The following KSR2 variants were observed in gnomAD, a reference collection of about 807,000 sequenced individuals.
KSR2 encodes the protein kinase suppressor of ras 2.
In KSR2, 25 loss-of-function variants were observed where a neutral mutation model predicts 107.8. That is an observed-to-expected ratio of 0.23 (90% confidence interval 0.17 to 0.32). The LOEUF is 0.32. Ranked by LOEUF, KSR2 falls within the 10% of genes least tolerant of loss-of-function variation. The pLI is 1.00. For missense variants in KSR2, 887 were observed against 1,268.9 expected (o/e 0.70, Z 4.57); for synonymous variants, 480 against 507.0 (o/e 0.95, Z 0.71).
chr12:117,650,989 T>A (rs1432078982), intron 5 of KSR2, among the ~76,000 whole-genome samples: 1 of 152,136 alleles, frequency 6.6e-6, no homozygotes, highest in East Asian at 1.9e-4. Context: ...CCTCACCAGG[T>A]GTTTACTGTT....
At position 117,860,355 on chromosome 12, in the gene KSR2, A is replaced by G; in HGVS notation, c.257T>C (p.Leu86Pro). 1 of 1,613,894 alleles carries G rather than the reference A, an allele frequency of 6.2e-7. No individual in the cohort carries two copies. The highest frequency in any genetic ancestry group is 8.5e-7 in the Non-Finnish European group (1 of 1,179,834). ...GTGCCGTAGCTGGGGGAAGCCGTCC[A>G]GCTCCGCGTTGCGCTCCTGCAAGGC... ...KVALQERNAELDGFPQLRHWF... is the reference protein window; with the variant it reads ...KVALQERNAEPDGFPQLRHWF... The change falls in exon 2 of 20, where the codon CTG becomes CCG. Residue 86 changes from leucine (L) to proline (P), a missense_variant. Transcript: ENST00000339824.
intron 3 of KSR2, among the ~76,000 whole-genome samples, chr12:117,765,485 T>C (rs935781436): frequency 6.6e-6 from 1 of 152,212 alleles, no homozygotes; most frequent in Non-Finnish European, 1.5e-5. Context: ...GGAATAATTA[T>C]GGCTTTGTTG....
intron 4 of KSR2, among the ~76,000 whole-genome samples, chr12:117,738,736 A>T (rs1456979817): frequency 1.3e-5 from 2 of 152,138 alleles, no homozygotes; most frequent in African/African-American, 4.8e-5. Context: ...TTAGCTGGGC[A>T]TGATGGCACA....
chr12:117,880,467 C>A (rs935823435), intron 1 of KSR2, among the ~76,000 whole-genome samples: 120 of 152,048 alleles, frequency 7.9e-4, no homozygotes, highest in Non-Finnish European at 8.7e-4. Flanking sequence ...CAAGCCCCCC[C>A]ACCAAAGAGA....
intron 1 of KSR2, among the ~76,000 whole-genome samples, chr12:117,930,589 C>T (rs1895667395): frequency 6.6e-6 from 1 of 152,134 alleles, no homozygotes; most frequent in South Asian, 2.1e-4. Context: ...ATAGTAAACA[C>T]TAAATTCTCG....
chr12:117,915,219 C>A (rs978594907), intron 1 of KSR2, among the ~76,000 whole-genome samples: 8 of 152,212 alleles, frequency 5.3e-5, no homozygotes, highest in Non-Finnish European at 7.3e-5. Flanking sequence ...GTTCTGCAGG[C>A]CACAAGTCTG....
chr12:117,469,793 G>T lies in KSR2; in HGVS notation c.2715C>A (p.Asp905Glu), dbSNP rs769734943. The T allele has an allele frequency of 4.3e-6, 7 of 1,613,670 alleles. No homozygotes were observed. Among genetic ancestry groups the T allele is most frequent in the Non-Finnish European group, 5.9e-6 (7 of 1,179,806 alleles). The change falls in exon 19 of 20, where the codon GAC (aspartate) becomes GAA (glutamate). Residue 905 changes from aspartate to glutamate, a missense_variant and splice_region_variant. This residue lies in a region of KSR2 where 308 missense variants were observed against 506.2 expected (regional missense o/e 0.61). Transcript: ENST00000339824. ...SQIGMGKEIS[D>E]ILLFCWAFEQ... ...CAAAGGCCCAGCAGAAGAGAAGAAT[G>T]TCCTAAATGAAACCAATGTGTGGTG...
chr12:117,812,941 C>T (rs1282998364), intron 3 of KSR2, among the ~76,000 whole-genome samples: 2 of 149,560 alleles, frequency 1.3e-5, no homozygotes, highest in African/African-American at 5.0e-5. Context: ...ACTACAATAA[C>T]CTAAACAGCA....
chr12:117,665,561 A>C (rs1884626915), intron 5 of KSR2, among the ~76,000 whole-genome samples: 1 of 152,146 alleles, frequency 6.6e-6, no homozygotes, highest in Admixed American at 6.5e-5. Flanking sequence ...GGAAGTGGGG[A>C]GGGGAAGTAA....
intron 3 of KSR2, among the ~76,000 whole-genome samples, chr12:117,841,262 C>G (rs1892463540): frequency 6.6e-6 from 1 of 152,110 alleles, no homozygotes; most frequent in Non-Finnish European, 1.5e-5. Context: ...ATATTTTCAT[C>G]CTCCTTGCCC....
In KSR2 at chr12:117,710,769, T is replaced by C. The variant is rs149491544; in HGVS notation, c.987-43111A>G. 5.8e-3 allele frequency among the ~76,000 whole-genome samples: 877 copies of C among 152,216 alleles called. 6 individuals are homozygous for C. In the Middle Eastern group the frequency reaches 0.061, roughly 11 times the overall value. On this transcript the variant is annotated intron_variant, in intron 4 of 19. Transcript: ENST00000339824. Reference sequence around the variant, plus strand: ...TAAACGGTCAGTACTATCATGATGGTGATATTTTTTTAATGCATGCTCTGC... The same window carrying C: ...TAAACGGTCAGTACTATCATGATGGCGATATTTTTTTAATGCATGCTCTGC...
intron 7 of KSR2, among the ~76,000 whole-genome samples, chr12:117,573,935 C>T (rs538071397): frequency 2.0e-5 from 3 of 152,234 alleles, no homozygotes; most frequent in East Asian, 3.9e-4. Context: ...GAAGCTAAAG[C>T]GTGTAAGAAC....
intron 5 of KSR2, among the ~76,000 whole-genome samples, chr12:117,620,481 G>A (rs1882133667): frequency 1.3e-5 from 2 of 152,156 alleles, no homozygotes; most frequent in Non-Finnish European, 2.9e-5. Flanking sequence ...TTTGTGTTAT[G>A]GCTGACAGAA....
chr12:117,598,355 G>A (rs1041955800), intron 5 of KSR2, among the ~76,000 whole-genome samples: 37 of 152,020 alleles, frequency 2.4e-4, no homozygotes, highest in African/African-American at 8.5e-4. Flanking sequence ...GTGTATATAC[G>A]TATACCACAT....
At chr12:117,617,402 CT>C (rs1186275425) in intron 5 of KSR2, among the ~76,000 whole-genome samples, 2 of 152,104 alleles carry the variant, frequency 1.3e-5, no homozygotes, top group African/African-American at 2.4e-5. Flanking sequence ...ATTCATTTGA[CT>C]TTTTTATAAT....
intron 1 of KSR2, among the ~76,000 whole-genome samples, chr12:117,957,843 T>G (rs1043878124): frequency 6.6e-5 from 10 of 151,574 alleles, no homozygotes; most frequent in African/African-American, 2.4e-4. Context: ...TTTTTTTTTT[T>G]TTTTTTTAAA....
chr12:117,924,066 C>T (rs180783022), intron 1 of KSR2, among the ~76,000 whole-genome samples: 6 of 151,022 alleles, frequency 4.0e-5, no homozygotes, highest in East Asian at 2.0e-4. Flanking sequence ...TTAGTAGAGA[C>T]GGGGTTTCTC....
intron 1 of KSR2, among the ~76,000 whole-genome samples, chr12:117,951,206 C>T (rs960506913): frequency 2.6e-5 from 4 of 152,148 alleles, no homozygotes; most frequent in South Asian, 2.1e-4. Flanking sequence ...CCGCGCCCGG[C>T]GGCAACCAGT....
chr12:117,890,086 C>T (rs898599359), intron 1 of KSR2, among the ~76,000 whole-genome samples: 16 of 152,300 alleles, frequency 1.1e-4, no homozygotes, highest in African/African-American at 3.1e-4. Context: ...TCCAACTTTG[C>T]GTTTCTAACA....
Sources: gnomAD v4.1 joint callset for allele counts (sites outside exome capture counted in the v4.1 genomes callset) on GRCh38, gnomAD v4.1.1 for gene constraint, gnomAD v4.1.1 regional missense constraint, MANE v1.5 for transcripts, NCBI Gene and HGNC (gene_info 2026-07-23, HGNC 2026-07-21) for gene names.